Variants in CLGN observed in about 807,000 individuals in gnomAD.
The protein encoded by CLGN is calmegin.
Under a neutral mutation model 79.1 loss-of-function variants are expected in CLGN, and 62 were observed. The ratio of observed to expected loss-of-function variants is 0.78; its 90% CI spans 0.64 to 0.97. The LOEUF is 0.97. CLGN is among the 50% of genes least tolerant of loss of function. The probability of loss-of-function intolerance (pLI) is 0.00; values close to 1 mark genes in which losing one functional copy is unlikely to be tolerated. For synonymous variants in CLGN, 225 were observed against 224.7 expected (o/e 1.00, Z -0.01); for missense variants, 647 against 715.5 (o/e 0.90, Z 1.09).
intron 8 of CLGN, among the ~76,000 whole-genome samples, chr4:140,397,484 A>G (rs1347103274): frequency 1.3e-5 from 2 of 151,408 alleles, no homozygotes; most frequent in Non-Finnish European, 2.9e-5. Context: ...TATACAAATC[A>G]TTTATTTTCA....
chr4:140,399,376 AT>A (rs901568383), intron 7 of CLGN, among the ~76,000 whole-genome samples: 53 of 152,272 alleles, frequency 3.5e-4, no homozygotes, highest in African/African-American at 1.3e-3. Flanking sequence ...TCAGCATTTA[AT>A]TTTTTTGATA....
intron 6 of CLGN, 82 bp from the exon 7 acceptor site, chr4:140,400,631 G>A (rs781660987): frequency 2.8e-5 from 23 of 826,586 alleles, no homozygotes; most frequent in Non-Finnish European, 4.3e-5. Context: ...AATGGGTAGA[G>A]TTTACAAAAA....
intron 8 of CLGN, among the ~76,000 whole-genome samples, chr4:140,396,926 C>CAT (rs1274989691): frequency 1.0e-3 from 123 of 121,928 alleles, no homozygotes; most frequent in Middle Eastern, 9.3e-3. Flanking sequence ...TATATATACA[C>CAT]ATATATATAT....
intron 13 of CLGN, among the ~76,000 whole-genome samples, chr4:140,391,086 T>C (rs547545864): frequency 1.6e-4 from 25 of 151,908 alleles, no homozygotes; most frequent in Middle Eastern, 3.4e-3. Flanking sequence ...GTTTGTTCTC[T>C]GTGGACATCA....
intron 1 of CLGN, among the ~76,000 whole-genome samples, chr4:140,421,509 G>A (rs1729469846): frequency 6.6e-6 from 1 of 151,946 alleles, no homozygotes; most frequent in South Asian, 2.1e-4. Context: ...GTCCTAATAT[G>A]GCGTAGTATC....
Position 140,396,202 on chromosome 4 carries a change from A to G in CLGN, c.888T>C (p.Asp296=). ...CTTCTATTTGGGCAGGTTCACTTTC[A>G]TCCCTGTAAATACAACGTTTTATAT... is the stretch of plus-strand genomic sequence containing the variant. ...DPSAVKPEDW[D]ESEPAQIEDS... Residue 296 remains aspartate, a synonymous_variant, in exon 9 of 15, where the codon GAT becomes GAC. Transcript: ENST00000325617. 1 of 1,609,394 alleles carries G rather than the reference A, an allele frequency of 6.2e-7. No homozygotes were observed. Among genetic ancestry groups the G allele is most frequent in the Non-Finnish European group, 8.5e-7 (1 of 1,175,780 alleles).
chr4:140,400,583 G>A, intron 6 of CLGN, 34 bp from the exon 7 acceptor site: 2 of 1,358,150 alleles, frequency 1.5e-6, no homozygotes, highest in Admixed American at 2.1e-5. Flanking sequence ...CATTAGTCCA[G>A]AATCACAGAC....
intron 1 of CLGN, among the ~76,000 whole-genome samples, chr4:140,416,491 T>C (rs1158834487): frequency 1.3e-5 from 2 of 152,060 alleles, no homozygotes; most frequent in African/African-American, 2.4e-5. Context: ...AAGAATCTAA[T>C]AGACGCAGCA....
At chr4:140,418,886 A>G (rs1441205133) in intron 1 of CLGN, among the ~76,000 whole-genome samples, 3 of 152,222 alleles carry the variant, frequency 2.0e-5, no homozygotes, top group African/African-American at 7.2e-5. Context: ...TCATGCTGCT[A>G]TAAAGACTCA....
In CLGN at chr4:140,402,015, T is replaced by C; in HGVS notation, c.471A>G (p.Lys157=). The change falls in exon 6 of 15, where the codon AAA becomes AAG. Residue 157 remains lysine, a synonymous_variant. Coordinates refer to ENST00000325617, the MANE Select transcript of CLGN (RefSeq NM_004362.3). ...TCAAATCATCAGTGTCTGCTAGGAG[T>C]TTAATGTATGCACCTCCACAATCAA... ...DGIDCGGAYI[K]LLADTDDLIL... is the part of the protein sequence containing the mutation. 1 of 1,580,870 alleles carries C rather than the reference T, an allele frequency of 6.3e-7. No individual in the cohort carries two copies. Among genetic ancestry groups the C allele is most frequent in the Non-Finnish European group, 8.6e-7 (1 of 1,161,768 alleles).
intron 1 of CLGN, among the ~76,000 whole-genome samples, chr4:140,424,739 T>C (rs576299782): frequency 6.6e-6 from 1 of 152,314 alleles, no homozygotes; most frequent in Non-Finnish European, 1.5e-5. Context: ...TCACTAAATA[T>C]CAGTTGTGCC....
At chr4:140,402,497 TTAGA>T (rs1168523123) in intron 5 of CLGN, among the ~76,000 whole-genome samples, 5 of 152,252 alleles carry the variant, frequency 3.3e-5, no homozygotes, top group East Asian at 3.9e-4. Context: ...GCTAATGATC[TTAGA>T]TACCTAGAGT....
intron 5 of CLGN, among the ~76,000 whole-genome samples, chr4:140,404,625 G>A (rs1578599173): frequency 6.6e-6 from 1 of 151,698 alleles, no homozygotes; most frequent in Non-Finnish European, 1.5e-5. Flanking sequence ...ATGAAAGACT[G>A]CTATTCAATT....
rs537461696 is a variant in CLGN, at chr4:140,391,811, T to C, written c.1651+408A>G. Among the ~76,000 whole-genome samples, 4 of 152,058 alleles carry C rather than the reference T, an allele frequency of 2.6e-5. No homozygotes were observed. In the East Asian group the frequency reaches 7.7e-4, roughly 29 times the overall value. On this transcript the variant is annotated intron_variant, in intron 13 of 14. Coordinates refer to ENST00000325617, the MANE Select transcript of CLGN (RefSeq NM_004362.3). ...ATAAGCATCTGACTAACAATAGCTG[T>C]TGGAAGACTTGGTGTTGATTTTGTT...
intron 8 of CLGN, among the ~76,000 whole-genome samples, chr4:140,396,889 ATG>A (rs1553944628): frequency 0.037 from 2,196 of 59,558 alleles, 50 homozygotes; most frequent in African/African-American, 0.081. Context: ...ATATATATAT[ATG>A]TATATATATA....
chr4:140,413,147 A>G, intron 1 of CLGN, 60 bp from the exon 2 acceptor site: 1 of 1,287,532 alleles, frequency 7.8e-7, no homozygotes, highest in Non-Finnish European at 1.1e-6. Flanking sequence ...AGTGTTAAGT[A>G]TATGTAGAAA....
At chr4:140,426,254 T>A (rs1156365636) in intron 1 of CLGN, among the ~76,000 whole-genome samples, 3 of 152,186 alleles carry the variant, frequency 2.0e-5, no homozygotes, top group African/African-American at 7.2e-5. Context: ...AACTAGACAA[T>A]CCAAAGATTC....
chr4:140,414,724 T>G (rs947705631), intron 1 of CLGN, among the ~76,000 whole-genome samples: 1 of 147,812 alleles, frequency 6.8e-6, no homozygotes, highest in Non-Finnish European at 1.5e-5. Flanking sequence ...CTACGTCTGA[T>G]TGGTGTACCT....
chr4:140,390,852 C>A (rs1374977834), intron 13 of CLGN, 124 bp from the exon 14 acceptor site: 1 of 474,844 alleles, frequency 2.1e-6, no homozygotes, highest in Non-Finnish European at 3.5e-6. Flanking sequence ...TTAGAAGCAA[C>A]TTCTTCCATT....
Sources: gnomAD v4.1 joint callset for allele counts (sites outside exome capture counted in the v4.1 genomes callset) on GRCh38, gnomAD v4.1.1 for gene constraint, MANE v1.5 for transcripts, NCBI Gene and HGNC (gene_info 2026-07-23, HGNC 2026-07-21) for gene names.